The following USP3 variants were observed in gnomAD, a reference collection of about 807,000 sequenced individuals.
USP3 encodes the protein ubiquitin specific peptidase 3.
Under a neutral mutation model 72.3 loss-of-function variants are expected in USP3, and 20 were observed. That is an observed-to-expected ratio of 0.28 (90% CI 0.19 to 0.40). USP3 has a LOEUF of 0.40. USP3 is among the 10% of genes least tolerant of loss of function. The probability of loss-of-function intolerance (pLI) is 1.00; values close to 1 mark genes in which losing one functional copy is unlikely to be tolerated. For missense variants in USP3, 479 were observed against 633.9 expected, an observed-to-expected ratio of 0.76 and a Z score of 2.62; for synonymous variants, 222 against 225.3, an observed-to-expected ratio of 0.99 and a Z score of 0.13.
Position 63,590,881 on chromosome 15 carries a change from C to T in USP3, c.*55C>T. On this transcript the variant is annotated 3_prime_UTR_variant, in exon 15 of 15. Transcript: ENST00000380324. Reference sequence around the variant, plus strand: ...ATACCAGAGAAACATTTCCAGTTTTCCACAAATACTTGATACAAGATTTAA... The same window carrying T: ...ATACCAGAGAAACATTTCCAGTTTTTCACAAATACTTGATACAAGATTTAA... The T allele has an allele frequency of 6.6e-7, 1 of 1,510,868 alleles. No homozygotes were observed. The highest frequency in any genetic ancestry group is 8.9e-7 in the Non-Finnish European group (1 of 1,125,992). The allele number at this position is 1,510,868 out of a possible 1,614,324, so 93.6% of individuals were successfully genotyped here.
chr15:63,569,160 C>CT (rs1363782330), intron 8 of USP3, among the ~76,000 whole-genome samples: 1 of 152,112 alleles, frequency 6.6e-6, no homozygotes, highest in Non-Finnish European at 1.5e-5. Flanking sequence ...AACTACTAAT[C>CT]TTACCTTTGA....
intron 7 of USP3, among the ~76,000 whole-genome samples, chr15:63,562,058 C>T (rs1291042411): frequency 2.0e-5 from 3 of 152,188 alleles, no homozygotes; most frequent in Non-Finnish European, 2.9e-5. Context: ...TCTTTTCCAC[C>T]AACCTCCAGA....
chr15:63,514,081 A>G (rs2065822177), intron 1 of USP3, among the ~76,000 whole-genome samples: 1 of 152,222 alleles, frequency 6.6e-6, no homozygotes, highest in Non-Finnish European at 1.5e-5. Context: ...GAAGGATCAG[A>G]CTTCACCTTA....
intron 1 of USP3, among the ~76,000 whole-genome samples, chr15:63,511,772 G>C (rs2065786036): frequency 6.6e-6 from 1 of 152,088 alleles, no homozygotes; most frequent in Non-Finnish European, 1.5e-5. Flanking sequence ...GGAGGAAGGA[G>C]AGAATTCTTA....
intron 1 of USP3, among the ~76,000 whole-genome samples, chr15:63,527,055 C>T (rs543949804): frequency 1.3e-5 from 2 of 152,272 alleles, no homozygotes; most frequent in African/African-American, 2.4e-5. Context: ...CCACCATGCC[C>T]GCCTAATCTT....
At chr15:63,527,748 G>A (rs536332174) in intron 1 of USP3, 1 of 152,360 alleles carries the variant, frequency 6.6e-6, no homozygotes, top group East Asian at 1.9e-4. Flanking sequence ...CCTGGTTTCT[G>A]CTCCGGTCTC....
chr15:63,511,275 A>AAAAAAAAAAAAAAAAAAAAC (rs2065777612), intron 1 of USP3, among the ~76,000 whole-genome samples: 1 of 149,598 alleles, frequency 6.7e-6, no homozygotes, highest in Admixed American at 6.7e-5. Context: ...TTAAAAAAAA[A>AAAAAAAAAAAAAAAAAAAAC]AAAAAAAGAG....
chr15:63,504,702 C>G lies in USP3; in HGVS notation c.-38C>G, dbSNP rs1427106864. ...TCCTCCGCCCCCACCTCGCCGGGTC[C>G]TGGAGCCGCAGTCCTCCCAGCTGCC... is the stretch of plus-strand genomic sequence containing the variant. On this transcript the variant is annotated 5_prime_UTR_variant, in exon 1 of 15. Transcript: ENST00000380324. 1.9e-6 allele frequency: 3 copies of G among 1,547,072 alleles called. No homozygotes were observed. The highest frequency in any genetic ancestry group is 2.5e-5 in the East Asian group (1 of 40,202).
chr15:63,521,286 G>A (rs529695284), intron 1 of USP3, among the ~76,000 whole-genome samples: 3 of 152,060 alleles, frequency 2.0e-5, no homozygotes, highest in African/African-American at 7.2e-5. Context: ...CTATATGTGG[G>A]CATTTAGGTT....
chr15:63,566,406 G>A (rs2066692227), intron 8 of USP3, among the ~76,000 whole-genome samples: 1 of 151,672 alleles, frequency 6.6e-6, no homozygotes, highest in African/African-American at 2.4e-5. Context: ...TCTGCTTCCT[G>A]GGTTCAAGTG....
At chr15:63,539,788 G>A (rs867403043) in intron 3 of USP3, among the ~76,000 whole-genome samples, 1 of 152,146 alleles carries the variant, frequency 6.6e-6, no homozygotes, top group African/African-American at 2.4e-5. Context: ...TCACATTGTC[G>A]GCTCACTTGT....
chr15:63,548,546 G>A (rs1460843383), intron 3 of USP3, among the ~76,000 whole-genome samples: 2 of 151,804 alleles, frequency 1.3e-5, no homozygotes, highest in African/African-American at 4.8e-5. Context: ...CAGGCTGATC[G>A]CGAACTCCTG....
rs959033803 is a variant in USP3, at chr15:63,544,634, G to T, written c.284+7478G>T. 3.6e-5 allele frequency: 25 copies of T among 695,780 alleles called. No individual in the cohort carries two copies. The highest frequency in any genetic ancestry group is 5.8e-5 in the Non-Finnish European group (22 of 381,816). 43.1% of individuals were successfully genotyped at this position (695,780 alleles called of 1,614,324 possible). On this transcript the variant is annotated intron_variant, in intron 3 of 14. Transcript: ENST00000380324. The surrounding 1 kb of genome is among the most constrained non-coding windows in gnomAD (Gnocchi z 4.2). ...CATGCTGTGTGTTTTCATTTTTGGA[G>T]AATGGGGGAAGAATGTAAAGATGGA... is the stretch of plus-strand genomic sequence containing the variant.
chr15:63,511,953 CTT>C (rs58146448), intron 1 of USP3, among the ~76,000 whole-genome samples: 15 of 112,256 alleles, frequency 1.3e-4, no homozygotes, highest in Non-Finnish European at 1.3e-4. Context: ...AACTGCAGAT[CTT>C]TTTTTTTTTT....
intron 14 of USP3, 140 bp downstream of exon 14, chr15:63,589,151 C>A: frequency 1.2e-6 from 1 of 863,178 alleles, no homozygotes; most frequent in Non-Finnish European, 1.9e-6. Context: ...AGTTTTGGTG[C>A]GGAAGAGTAC....
chr15:63,547,761 G>GGAGAGAGA (rs1180675814), intron 3 of USP3, among the ~76,000 whole-genome samples: 6 of 4,462 alleles, frequency 1.3e-3, no homozygotes, highest in Admixed American at 3.0e-3. Context: ...AGGGAGGGAG[G>GGAGAGAGA]GAGAGAGAGA....
At chr15:63,510,104 T>C (rs2065762524) in intron 1 of USP3, among the ~76,000 whole-genome samples, 2 of 152,222 alleles carry the variant, frequency 1.3e-5, no homozygotes, top group Non-Finnish European at 2.9e-5. Flanking sequence ...CTCATTGAAA[T>C]GTATGTAATT....
chr15:63,556,624 C>A, intron 4 of USP3, 43 bp from the exon 5 acceptor site: 1 of 1,477,678 alleles, frequency 6.8e-7, no homozygotes. Context: ...GTGTAGCATG[C>A]ATATATTAAT....
intron 11 of USP3, among the ~76,000 whole-genome samples, chr15:63,581,345 T>TTGTGTGTGTGTGTGTG (rs59188081): frequency 1.5e-5 from 2 of 130,076 alleles, no homozygotes; most frequent in South Asian, 2.7e-4. Context: ...GTGTTGGTTT[T>TTGTGTGTGTGTGTGTG]TGTGTGTGTG....
Sources: gnomAD v4.1 joint callset for allele counts (sites outside exome capture counted in the v4.1 genomes callset) on GRCh38, gnomAD v4.1.1 for gene constraint, Gnocchi (gnomAD v3.1) non-coding constraint, MANE v1.5 for transcripts, NCBI Gene and HGNC (gene_info 2026-07-23, HGNC 2026-07-21) for gene names.